Variants in TMEM161B observed in about 807,000 individuals in gnomAD.
TMEM161B encodes transmembrane protein 161B.
Under a neutral mutation model 61.8 loss-of-function variants are expected in TMEM161B, and 34 were observed. That is an observed-to-expected ratio of 0.55 (90% CI 0.42 to 0.73). The LOEUF (loss-of-function observed/expected upper bound fraction) is 0.73. TMEM161B is among the 30% of genes least tolerant of loss of function. TMEM161B has a pLI of 0.00. For missense variants in TMEM161B, 456 were observed against 558.5 expected (o/e 0.82, Z 1.85); for synonymous variants, 167 against 192.8 (o/e 0.87, Z 1.11).
rs769592012 is a variant in TMEM161B at position 88,202,973 on chromosome 5, T to C, written c.903A>G (p.Glu301=). Residue 301 remains glutamate, a synonymous_variant, in exon 9 of 12, where the codon GAA becomes GAG. Transcript: ENST00000296595. The stretch of plus-strand genomic sequence containing the variant: ...ATGCCCATACTTACAAAGGGATACT[T>C]TCTTTGCCCAGTGGTGGGTTCATAA... The part of the protein sequence containing the change: ...DYIMNPPLGK[E]SIPLMTEATF... 5 of 1,607,722 alleles carry C rather than the reference T, an allele frequency of 3.1e-6. No individual in the cohort carries two copies. The highest frequency in any genetic ancestry group is 4.3e-6 in the Non-Finnish European group (5 of 1,174,422).
intron 1 of TMEM161B, among the ~76,000 whole-genome samples, chr5:88,260,536 C>T (rs1755550544): frequency 6.6e-6 from 1 of 152,184 alleles, no homozygotes; most frequent in Admixed American, 6.5e-5. Context: ...ACTGCAATCT[C>T]AAACTCCTGG....
chr5:88,186,642 T>C (rs1181032642), downstream of TMEM161B, among the ~76,000 whole-genome samples: 2 of 152,064 alleles, frequency 1.3e-5, no homozygotes, highest in Non-Finnish European at 1.5e-5. Flanking sequence ...AAAACCATTT[T>C]ATGGGGGCCA....
chr5:88,221,981 CAT>C (rs1749083037), intron 4 of TMEM161B, among the ~76,000 whole-genome samples: 1 of 152,076 alleles, frequency 6.6e-6, no homozygotes, highest in South Asian at 2.1e-4. Context: ...AATTTTGTAC[CAT>C]TTCTATAAGA....
intron 2 of TMEM161B, among the ~76,000 whole-genome samples, chr5:88,231,175 T>C (rs2112596048): frequency 1.3e-5 from 2 of 152,290 alleles, no homozygotes; most frequent in South Asian, 4.1e-4. Context: ...TTTCTTTAAA[T>C]AATACTGTAA....
chr5:88,225,847 C>G lies in TMEM161B; in HGVS notation c.211G>C (p.Glu71Gln). The G allele has an allele frequency of 6.2e-7, 1 of 1,607,838 alleles. No homozygotes were observed. Among genetic ancestry groups the G allele is most frequent in the Non-Finnish European group, 8.5e-7 (1 of 1,176,504 alleles). The part of the protein sequence containing the change: ...KKDRKYNGHI[E>Q]SKPLTIPKDI... The stretch of plus-strand genomic sequence containing the variant: ...TTTGGAATGGTTAATGGCTTACTTT[C>G]AATGTGACCATTATATTTCCTATAA... Residue 71 changes from glutamate to glutamine, a missense_variant, in exon 4 of 12, where the codon GAA becomes CAA. Physicochemically the swap from Glu to Gln is conservative, Grantham distance 29. This residue lies in a region of TMEM161B where 85 missense variants were observed against 111.2 expected (regional missense o/e 0.76). Transcript: ENST00000296595.
chr5:88,232,709 G>A (rs1000988225), intron 2 of TMEM161B, among the ~76,000 whole-genome samples: 1 of 152,080 alleles, frequency 6.6e-6, no homozygotes, highest in African/African-American at 2.4e-5. Context: ...GAGTACCTAG[G>A]ACTACTAGCG....
rs374920665 is a variant in TMEM161B, at chr5:88,268,823, G to C, written c.-100C>G. 9 of 1,584,918 alleles carry C rather than the reference G, an allele frequency of 5.7e-6. No homozygotes were observed. The highest frequency in any genetic ancestry group is 7.8e-6 in the Non-Finnish European group (9 of 1,159,332). On this transcript the variant is annotated 5_prime_UTR_variant, in exon 1 of 12. Coordinates refer to ENST00000296595, the MANE Select transcript of TMEM161B (RefSeq NM_153354.5). The stretch of plus-strand genomic sequence containing the variant: ...TTGAGCCGAGAGACTCTCAAACAGC[G>C]AAAGAGAGGGTCTTCCGGCTCTGCC...
chr5:88,233,102 G>T (rs139432554), intron 2 of TMEM161B, among the ~76,000 whole-genome samples: 1 of 151,998 alleles, frequency 6.6e-6, no homozygotes, highest in African/African-American at 2.4e-5. Flanking sequence ...AGTCACTTAG[G>T]GAGAACCTTC....
intron 8 of TMEM161B, 103 bp downstream of exon 8, chr5:88,205,707 TATTA>T (rs1745327837): frequency 1.5e-6 from 2 of 1,298,656 alleles, no homozygotes; most frequent in South Asian, 1.5e-5. Context: ...ATCAAATGGT[TATTA>T]ATTTTCAATA....
At chr5:88,257,502 G>A (rs1037349695) in intron 1 of TMEM161B, among the ~76,000 whole-genome samples, 1 of 152,058 alleles carries the variant, frequency 6.6e-6, no homozygotes, top group Non-Finnish European at 1.5e-5. Context: ...CACTAGGATC[G>A]AAGTAGTTCC....
intron 4 of TMEM161B, chr5:88,221,344 CA>C (rs1245870038): frequency 3.3e-5 from 6 of 179,636 alleles, no homozygotes; most frequent in Admixed American, 1.1e-4. Context: ...ACTAAAAGTA[CA>C]AAAATTAGCC....
chr5:88,225,088 T>C (rs1305569949), intron 4 of TMEM161B, among the ~76,000 whole-genome samples: 3 of 148,906 alleles, frequency 2.0e-5, no homozygotes. Context: ...CTGCCTCAGC[T>C]CCCTGAGTAG....
chr5:88,202,730 T>C (rs553119975), intron 9 of TMEM161B: 3 of 473,550 alleles, frequency 6.3e-6, no homozygotes, highest in Non-Finnish European at 1.1e-5. Context: ...AAAAAAATAG[T>C]GTGTAAGGTA....
At chr5:88,261,545 A>G (rs1755679894) in intron 1 of TMEM161B, among the ~76,000 whole-genome samples, 1 of 152,184 alleles carries the variant, frequency 6.6e-6, no homozygotes. Context: ...AAGCTAGAAT[A>G]ATCAAGACTG....
intron 5 of TMEM161B, among the ~76,000 whole-genome samples, chr5:88,217,919 AAC>A (rs1374409964): frequency 1.1e-4 from 17 of 151,886 alleles, no homozygotes; most frequent in African/African-American, 3.4e-4. Flanking sequence ...AAAAAAAAAA[AAC>A]CTTAACAAAA....
chr5:88,235,661 C>G (rs1191528201), intron 2 of TMEM161B, among the ~76,000 whole-genome samples: 1 of 152,198 alleles, frequency 6.6e-6, no homozygotes, highest in African/African-American at 2.4e-5. Flanking sequence ...GCCCCCAGAA[C>G]TGAGAAATAC....
In TMEM161B at chr5:88,202,988, T is replaced by A; in HGVS notation, c.888A>T (p.Pro296=). The change falls in exon 9 of 12, where the codon CCA becomes CCT. Residue 296 remains proline (P), a synonymous_variant. Coordinates refer to ENST00000296595, the MANE Select transcript of TMEM161B (RefSeq NM_153354.5). ...AAGGGATACTTTCTTTGCCCAGTGG[T>A]GGGTTCATAATGTAGTCTTTGGTGA... The part of the protein sequence containing the change: ...KPITKDYIMN[P]PLGKESIPLM... The A allele has an allele frequency of 6.2e-7, 1 of 1,611,132 alleles. No homozygotes were observed. The highest frequency in any genetic ancestry group is 1.1e-5 in the South Asian group (1 of 90,978).
chr5:88,237,465 T>C (rs182493964), intron 2 of TMEM161B, among the ~76,000 whole-genome samples: 3 of 152,132 alleles, frequency 2.0e-5, no homozygotes, highest in Admixed American at 1.3e-4. Flanking sequence ...AGTCATCATT[T>C]TGTGAGGGAC....
At chr5:88,206,348 C>A in intron 7 of TMEM161B, 91 bp downstream of exon 7, 2 of 1,077,246 alleles carry the variant, frequency 1.9e-6, no homozygotes, top group Non-Finnish European at 1.3e-6. Flanking sequence ...AAACTCTTTA[C>A]TAATTTAAAA....
Sources: allele counts gnomAD v4.1 joint callset (sites outside exome capture counted in the v4.1 genomes callset), GRCh38; gene constraint gnomAD v4.1.1; regional missense constraint gnomAD v4.1.1; transcripts MANE v1.5; gene names NCBI Gene and HGNC (gene_info 2026-07-23, HGNC 2026-07-21).